Variants in AKAP13 observed in about 807,000 individuals in gnomAD.
The protein encoded by AKAP13 is A-kinase anchor protein 13.
AKAP13 carries 80 observed loss-of-function variants against 264.5 expected under a neutral mutation model. That is an observed-to-expected ratio of 0.30 (90% CI 0.25 to 0.36). AKAP13 has a LOEUF of 0.36. AKAP13 is among the 10% of genes least tolerant of loss of function. The pLI, the probability that AKAP13 is intolerant of heterozygous loss-of-function variation, is 1.00. For missense variants in AKAP13, 3,712 were observed against 3,435.2 expected, an observed-to-expected ratio of 1.08 and a Z score of -2.01; for synonymous variants, 1,380 against 1,250.2, an observed-to-expected ratio of 1.10 and a Z score of -2.19.
chr15:85,467,858 C>A (rs1346824753), intron 1 of AKAP13, among the ~76,000 whole-genome samples: 3 of 152,206 alleles, frequency 2.0e-5, no homozygotes, highest in African/African-American at 7.2e-5. Context: ...TTAGATCCAG[C>A]AAGTTTGGTC....
At chr15:85,459,548 G>A (rs1471845984) in intron 1 of AKAP13, among the ~76,000 whole-genome samples, 1 of 151,410 alleles carries the variant, frequency 6.6e-6, no homozygotes, top group Admixed American at 6.6e-5. Context: ...CGCCCAGGCT[G>A]GAGTGCAGTG....
At chr15:85,455,570 A>G (rs1421029332) in intron 1 of AKAP13, among the ~76,000 whole-genome samples, 1 of 151,942 alleles carries the variant, frequency 6.6e-6, no homozygotes, top group Non-Finnish European at 1.5e-5. Flanking sequence ...AACATAGGGG[A>G]TTTGGGCATA....
intron 1 of AKAP13, among the ~76,000 whole-genome samples, chr15:85,421,592 C>A (rs59763908): frequency 6.6e-6 from 1 of 152,162 alleles, no homozygotes; most frequent in Middle Eastern, 3.2e-3. Flanking sequence ...TGTGCGCGCG[C>A]GCCTGTGCAC....
chr15:85,461,208 A>C (rs1017543179), intron 1 of AKAP13, among the ~76,000 whole-genome samples: 6 of 152,116 alleles, frequency 3.9e-5, no homozygotes, highest in Admixed American at 3.9e-4. Flanking sequence ...CTCTGCCTGC[A>C]GGGTTCAAGC....
intron 2 of AKAP13, among the ~76,000 whole-genome samples, chr15:85,490,898 G>A (rs1382962109): frequency 6.6e-6 from 1 of 152,128 alleles, no homozygotes; most frequent in African/African-American, 2.4e-5. Flanking sequence ...GCCTGACCAG[G>A]GGCTGTTTTA....
intron 17 of AKAP13, among the ~76,000 whole-genome samples, chr15:85,705,672 T>C (rs1180819616): frequency 6.6e-6 from 1 of 152,318 alleles, no homozygotes. Context: ...ACATAGGTAA[T>C]TTATCACATA....
At chr15:85,576,901 G>A (rs918562603) in intron 6 of AKAP13, among the ~76,000 whole-genome samples, 1 of 152,276 alleles carries the variant, frequency 6.6e-6, no homozygotes, top group Admixed American at 6.5e-5. Context: ...AGGCAAATAC[G>A]AGAAATTAAA....
At chr15:85,619,727 T>C in intron 8 of AKAP13, 6 of 1,011,838 alleles carry the variant, frequency 5.9e-6, no homozygotes, top group Non-Finnish European at 7.1e-6. Flanking sequence ...GTTTATTCTT[T>C]ATTTTTTTAC....
Position 85,579,413 on chromosome 15 carries a change from G to T in AKAP13, c.1345G>T (p.Asp449Tyr). ...LSSGDAVLQR[D>Y]LVMEPGTAQY... ...CAGTGGAGATGCTGTGCTTCAGAGA[G>T]ACTTGGTCATGGAGCCAGGCACAGC... The change falls in exon 7 of 37, where the codon GAC becomes TAC. Residue 449 changes from aspartate (D) to tyrosine (Y), a missense_variant. Physicochemically the swap from Asp to Tyr is radical, Grantham distance 160. Coordinates refer to ENST00000394518, the MANE Select transcript of AKAP13 (RefSeq NM_007200.5). The T allele has an allele frequency of 6.2e-7, 1 of 1,614,164 alleles. No individual in the cohort carries two copies. Among genetic ancestry groups the T allele is most frequent in the East Asian group, 2.2e-5 (1 of 44,888 alleles).
chr15:85,381,521 C>CCTT (rs2070263900), intron 1 of AKAP13, among the ~76,000 whole-genome samples: 1 of 64,290 alleles, frequency 1.6e-5, no homozygotes, highest in Non-Finnish European at 2.6e-5. Context: ...CGGTTTACTG[C>CCTT]TTTTTTTTTT....
chr15:85,747,934 G>A lies in AKAP13; in HGVS notation c.*3257G>A, dbSNP rs1370241932. On this transcript the variant is annotated 3_prime_UTR_variant, in exon 37 of 37. Coordinates refer to ENST00000394518, the MANE Select transcript of AKAP13 (RefSeq NM_007200.5). ...CCTCAGTATTAGTCGTGAGCACAAAGTTTTGAGACCTTTGGCGTTGTTTCT... is the reference window on the plus strand; with the variant it reads ...CCTCAGTATTAGTCGTGAGCACAAAATTTTGAGACCTTTGGCGTTGTTTCT... 1.3e-5 allele frequency: 2 copies of A among 153,140 alleles called. No homozygotes were observed. The highest frequency in any genetic ancestry group is 2.4e-5 in the African/African-American group (1 of 41,428). 9.5% of individuals were successfully genotyped at this position (153,140 alleles called of 1,614,324 possible).
chr15:85,595,700 C>A (rs1390803108), intron 8 of AKAP13, among the ~76,000 whole-genome samples: 1 of 152,128 alleles, frequency 6.6e-6, no homozygotes, highest in South Asian at 2.1e-4. Flanking sequence ...GATATGCTTT[C>A]CAGCCTTGTA....
chr15:85,443,909 A>G (rs558862099), intron 1 of AKAP13, among the ~76,000 whole-genome samples: 1 of 152,306 alleles, frequency 6.6e-6, no homozygotes, highest in East Asian at 1.9e-4. Flanking sequence ...ACTTCATCAA[A>G]TGGCATAGCT....
rs140967626 is a variant in AKAP13 at position 85,432,821 on chromosome 15, T to C, written c.-12+52023T>C. 3.9e-5 allele frequency among the ~76,000 whole-genome samples: 6 copies of C among 152,276 alleles called. No individual in the cohort carries two copies. In the East Asian group the frequency reaches 9.6e-4, roughly 24 times the overall value. On this transcript the variant is annotated intron_variant, in intron 1 of 36. Coordinates refer to ENST00000394518, the MANE Select transcript of AKAP13 (RefSeq NM_007200.5). ...TCTTAGCAGATTTCTAACTACTTTGTTTACTTTGGTTGATAGGGAGTTTGC... is the reference window on the plus strand; with the variant it reads ...TCTTAGCAGATTTCTAACTACTTTGCTTACTTTGGTTGATAGGGAGTTTGC...
At chr15:85,549,866 T>C (rs1163417708) in intron 5 of AKAP13, among the ~76,000 whole-genome samples, 2 of 152,204 alleles carry the variant, frequency 1.3e-5, no homozygotes, top group Non-Finnish European at 2.9e-5. Context: ...ACTTTTAAAG[T>C]ATGGTTGATT....
At chr15:85,740,979 G>A in intron 34 of AKAP13, 67 bp from the exon 35 acceptor site, 1 of 1,541,914 alleles carries the variant, frequency 6.5e-7, no homozygotes, top group Non-Finnish European at 8.7e-7. Flanking sequence ...TGTGGGGTCG[G>A]GAGGGATCCA....
chr15:85,741,725 CAAACAAAA>C (rs2088997630), intron 35 of AKAP13, among the ~76,000 whole-genome samples: 2 of 80,918 alleles, frequency 2.5e-5, no homozygotes, highest in African/African-American at 1.1e-4. Context: ...AACAAACAAA[CAAACAAAA>C]AAAAAAAACA....
chr15:85,445,047 T>C (rs1463250852), intron 1 of AKAP13, among the ~76,000 whole-genome samples: 1 of 152,202 alleles, frequency 6.6e-6, no homozygotes, highest in African/African-American at 2.4e-5. Context: ...TTCTTTTCCC[T>C]CACCTTCCAT....
At position 85,515,145 on chromosome 15, in the gene AKAP13, TTTATACC is replaced by T. The variant is rs1398641296; in HGVS notation, c.34-6280_34-6274del. On this transcript the variant is annotated intron_variant, in intron 2 of 36. Transcript: ENST00000394518. ...AAAAAATAAACTCAGGAATCTAAAT[TTTATACC>T]TTTTAACTTCAAATATTTGATTATA... Among the ~76,000 whole-genome samples the T allele has an allele frequency of 1.4e-5, 2 of 138,628 alleles. 1 individual carries two copies. Among genetic ancestry groups the T allele is most frequent in the Non-Finnish European group, 3.1e-5 (2 of 64,740 alleles). The allele number at this position is 138,628 out of a possible 152,430, so 90.9% of individuals were successfully genotyped here.
Sources: allele counts gnomAD v4.1 joint callset (sites outside exome capture counted in the v4.1 genomes callset), GRCh38; gene constraint gnomAD v4.1.1; transcripts MANE v1.5; gene names NCBI Gene and HGNC (gene_info 2026-07-23, HGNC 2026-07-21).